The following SIMC1 variants were observed in gnomAD, a reference collection of about 807,000 sequenced individuals.
The protein encoded by SIMC1 is SUMO interacting motifs containing 1.
SIMC1 carries 55 observed loss-of-function variants against 82.3 expected under a neutral mutation model. The observed-to-expected ratio is 0.67, with a 90% CI of 0.54 to 0.84. The LOEUF is 0.84. Ranked by LOEUF, SIMC1 falls within the 40% of genes least tolerant of loss-of-function variation. The probability of loss-of-function intolerance (pLI) is 0.00; values close to 1 mark genes in which losing one functional copy is unlikely to be tolerated. For missense variants in SIMC1, 915 were observed against 1,107.2 expected (o/e 0.83, Z 2.46); for synonymous variants, 353 against 426.3 (o/e 0.83, Z 2.12).
intron 9 of SIMC1, among the ~76,000 whole-genome samples, chr5:176,344,468 T>TACACACAC (rs57991528): frequency 6.4e-4 from 94 of 146,646 alleles, no homozygotes; most frequent in African/African-American, 2.1e-3. Flanking sequence ...GTCAGGAGTA[T>TACACACAC]ACACACACAC....
At chr5:176,245,008 A>G (rs2113101904) in intron 1 of SIMC1, among the ~76,000 whole-genome samples, 1 of 152,270 alleles carries the variant, frequency 6.6e-6, no homozygotes, top group Non-Finnish European at 1.5e-5. Flanking sequence ...GGCATGAGCC[A>G]CCGCACCCGG....
intron 5 of SIMC1, among the ~76,000 whole-genome samples, chr5:176,316,747 A>G (rs1764928285): frequency 6.6e-6 from 1 of 151,904 alleles, no homozygotes; most frequent in South Asian, 2.1e-4. Flanking sequence ...TAATCCCAGC[A>G]CTTTGGGAGG....
chr5:176,316,320 C>A (rs1218582239), intron 5 of SIMC1, among the ~76,000 whole-genome samples: 1 of 152,094 alleles, frequency 6.6e-6, no homozygotes, highest in Non-Finnish European at 1.5e-5. Flanking sequence ...TTCATTTTCA[C>A]CTCCTGTGGT....
chr5:176,248,590 C>T (rs1168823093), intron 1 of SIMC1, among the ~76,000 whole-genome samples: 1 of 152,110 alleles, frequency 6.6e-6, no homozygotes, highest in African/African-American at 2.4e-5. Context: ...TATTTGAATA[C>T]CCTTTATTTC....
At chr5:176,303,916 A>C (rs976235546) in intron 4 of SIMC1, among the ~76,000 whole-genome samples, 2 of 152,256 alleles carry the variant, frequency 1.3e-5, no homozygotes, top group Non-Finnish European at 2.9e-5. Flanking sequence ...AATGCATTAA[A>C]GACCTGAATA....
chr5:176,318,142 C>A (rs1765000033), intron 5 of SIMC1, among the ~76,000 whole-genome samples: 1 of 151,980 alleles, frequency 6.6e-6, no homozygotes, highest in African/African-American at 2.4e-5. Context: ...TACTCCTATG[C>A]AAATGAAGAC....
At chr5:176,255,108 C>CT (rs1413367811) in intron 1 of SIMC1, among the ~76,000 whole-genome samples, 1 of 151,690 alleles carries the variant, frequency 6.6e-6, no homozygotes, top group East Asian at 1.9e-4. Flanking sequence ...GAAACACTGT[C>CT]TTTACTAAAA....
intron 1 of SIMC1, among the ~76,000 whole-genome samples, chr5:176,263,704 C>T (rs893875354): frequency 2.0e-5 from 3 of 152,166 alleles, no homozygotes; most frequent in Non-Finnish European, 4.4e-5. Flanking sequence ...AATATCCAAA[C>T]TATTATTCTT....
At chr5:176,324,417 A>G (rs1765288704) in intron 6 of SIMC1, among the ~76,000 whole-genome samples, 2 of 152,180 alleles carry the variant, frequency 1.3e-5, no homozygotes, top group Admixed American at 6.5e-5. Context: ...AGGTTCAAAT[A>G]GTATGTTCTG....
chr5:176,255,731 AAAAG>A (rs932655609), intron 1 of SIMC1, among the ~76,000 whole-genome samples: 17 of 150,230 alleles, frequency 1.1e-4, no homozygotes, highest in South Asian at 6.2e-4. Flanking sequence ...TAAAAAAAAA[AAAAG>A]AAAAGAAAAG....
chr5:176,252,777 G>A (rs1369268525), intron 1 of SIMC1, among the ~76,000 whole-genome samples: 1 of 152,234 alleles, frequency 6.6e-6, no homozygotes, highest in Non-Finnish European at 1.5e-5. Flanking sequence ...ACTTTGGGGG[G>A]CCAAGGCAGG....
At chr5:176,261,101 G>C (rs2113145948) in intron 1 of SIMC1, 1 of 152,166 alleles carries the variant, frequency 6.6e-6, no homozygotes, top group South Asian at 2.1e-4. Flanking sequence ...CTGCCTCCCG[G>C]GTTCAAGTGA....
intron 7 of SIMC1, among the ~76,000 whole-genome samples, chr5:176,331,225 C>T (rs1056105600): frequency 6.6e-6 from 1 of 151,910 alleles, no homozygotes; most frequent in Non-Finnish European, 1.5e-5. Flanking sequence ...AGAAAATTAG[C>T]CAGGCATGGT....
At position 176,322,260 on chromosome 5, in the gene SIMC1, T is replaced by C. The variant is rs1239549079; in HGVS notation, c.1890-13T>C. On this transcript the variant is annotated splice_polypyrimidine_tract_variant and intron_variant, in intron 5 of 9. Coordinates refer to ENST00000429602, the MANE Select transcript of SIMC1 (RefSeq NM_001308195.2). ...AGAAAGAATAAACCTTTTCTTTCTTTTTTCCATTACAGGGATGTTATCAAG... is the reference window on the plus strand; with the variant it reads ...AGAAAGAATAAACCTTTTCTTTCTTCTTTCCATTACAGGGATGTTATCAAG... 1.3e-6 allele frequency: 2 copies of C among 1,541,002 alleles called. No individual in the cohort carries two copies. The highest frequency in any genetic ancestry group is 1.7e-6 in the Non-Finnish European group (2 of 1,144,132).
At chr5:176,276,538 C>T (rs1466060165) in intron 1 of SIMC1, among the ~76,000 whole-genome samples, 2 of 149,452 alleles carry the variant, frequency 1.3e-5, no homozygotes, top group African/African-American at 4.9e-5. Context: ...TGCTGGTGCG[C>T]TGCACCCACT....
chr5:176,312,536 CAAAAAAA>C (rs10551875), intron 4 of SIMC1, among the ~76,000 whole-genome samples: 1 of 70,036 alleles, frequency 1.4e-5, no homozygotes, highest in Non-Finnish European at 2.7e-5. Flanking sequence ...GACTCCATCT[CAAAAAAA>C]AAAAAAAAAA....
At chr5:176,309,060 A>C (rs953215403) in intron 4 of SIMC1, 1 of 728,468 alleles carries the variant, frequency 1.4e-6, no homozygotes. Context: ...GTGTAAAGTT[A>C]CTTAAGCTAA....
chr5:176,296,305 T>C lies in SIMC1; in HGVS notation c.1719T>C (p.Tyr573=). The change falls in exon 4 of 10, where the codon TAT becomes TAC. Residue 573 remains tyrosine (Y), a synonymous_variant. Transcript: ENST00000429602. Reference sequence around the variant, plus strand: ...AGTGGGACTGGAAACTGCTCACCTATGTCATGGAGGAAGAGGTAACAACAA... The same window carrying C: ...AGTGGGACTGGAAACTGCTCACCTACGTCATGGAGGAAGAGGTAACAACAA... ...TVEWDWKLLT[Y]VMEEEGQTLP... 3.7e-6 allele frequency: 6 copies of C among 1,613,476 alleles called. No homozygotes were observed. Among genetic ancestry groups the C allele is most frequent in the Non-Finnish European group, 5.1e-6 (6 of 1,179,534 alleles).
intron 1 of SIMC1, among the ~76,000 whole-genome samples, chr5:176,277,172 T>C (rs2113205910): frequency 6.6e-6 from 1 of 152,050 alleles, no homozygotes; most frequent in South Asian, 2.1e-4. Flanking sequence ...TCATTGTGGT[T>C]TTGATTTGCA....
Sources: allele counts gnomAD v4.1 joint callset (sites outside exome capture counted in the v4.1 genomes callset), GRCh38; gene constraint gnomAD v4.1.1; transcripts MANE v1.5; gene names NCBI Gene and HGNC (gene_info 2026-07-23, HGNC 2026-07-21).